LRRC28: variants seen among roughly 807,000 people sequenced by gnomAD.
The protein encoded by LRRC28 is leucine-rich repeat-containing protein 28.
A neutral mutation model predicts 45.7 loss-of-function variants in LRRC28; 39 were observed. The observed-to-expected ratio is 0.85, with a 90% CI of 0.66 to 1.12. The LOEUF (loss-of-function observed/expected upper bound fraction) is 1.12. LRRC28 is among the 50% of genes most tolerant of loss of function. The probability of loss-of-function intolerance (pLI) is 0.00; values close to 1 mark genes in which losing one functional copy is unlikely to be tolerated. For missense variants in LRRC28, 435 were observed against 438.5 expected (o/e 0.99, Z 0.07); for synonymous variants, 206 against 178.8 (o/e 1.15, Z -1.22).
rs933752698 is a variant in LRRC28, at chr15:99,387,266, T to C, written c.*1164T>C. ...TAGTAGAGACGGGGTTTCACCGTGT[T>C]AGCCGGGATGGTCTCGATCTCCTGA... On this transcript the variant is annotated 3_prime_UTR_variant, in exon 10 of 10. Coordinates refer to ENST00000301981, the MANE Select transcript of LRRC28 (RefSeq NM_144598.5). 12 of 151,700 alleles carry C rather than the reference T, an allele frequency of 7.9e-5. No individual in the cohort carries two copies. Among genetic ancestry groups the C allele is most frequent in the African/African-American group, 1.2e-4 (5 of 41,364 alleles). 9.4% of individuals were successfully genotyped at this position (151,700 alleles called of 1,614,324 possible). A position where few individuals can be genotyped will look rare whatever the true frequency, so the allele number is the denominator to read the frequency against.
intron 9 of LRRC28, among the ~76,000 whole-genome samples, chr15:99,368,302 C>T (rs909471792): frequency 6.6e-6 from 1 of 152,132 alleles, no homozygotes; most frequent in Non-Finnish European, 1.5e-5. Flanking sequence ...AATTTATCTG[C>T]TTCTAGCATG....
intron 5 of LRRC28, among the ~76,000 whole-genome samples, chr15:99,318,522 A>T (rs902838415): frequency 6.6e-6 from 1 of 152,014 alleles, no homozygotes; most frequent in Non-Finnish European, 1.5e-5. Context: ...TCTGTGCCAC[A>T]TTTCATTTCT....
At chr15:99,326,670 G>T (rs1007020524) in intron 5 of LRRC28, 1 of 152,076 alleles carries the variant, frequency 6.6e-6, no homozygotes, top group Non-Finnish European at 1.5e-5. Context: ...ATGCCTGCCA[G>T]TATTTTTTTT....
At chr15:99,326,634 T>C (rs1307632435) in intron 5 of LRRC28, 1 of 152,214 alleles carries the variant, frequency 6.6e-6, no homozygotes, top group Admixed American at 6.5e-5. Flanking sequence ...TATCATCTAG[T>C]AATTTCTCAC....
At chr15:99,299,544 A>C (rs1292664172) in intron 5 of LRRC28, among the ~76,000 whole-genome samples, 7 of 152,188 alleles carry the variant, frequency 4.6e-5, no homozygotes, top group Non-Finnish European at 2.9e-5. Flanking sequence ...CTGTTGCTTT[A>C]CTTCATCTGT....
At chr15:99,255,856 A>G (rs1472578865) in intron 1 of LRRC28, 42 bp from the exon 2 acceptor site, 5 of 1,342,210 alleles carry the variant, frequency 3.7e-6, no homozygotes, top group Middle Eastern at 2.7e-4. Context: ...CAATTCTTGT[A>G]AAAAATCTTA....
intron 5 of LRRC28, among the ~76,000 whole-genome samples, chr15:99,289,483 A>T (rs2082050688): frequency 6.6e-6 from 1 of 152,336 alleles, no homozygotes; most frequent in Admixed American, 6.5e-5. Context: ...GTTGCAAGAG[A>T]ATGTTAAAAA....
At chr15:99,258,327 C>G in intron 2 of LRRC28, 1 of 1,457,614 alleles carries the variant, frequency 6.9e-7, no homozygotes, top group Non-Finnish European at 9.6e-7. Context: ...ATTGCTGACC[C>G]AAGAGGAAAC....
At chr15:99,338,494 TA>T (rs892589611) in intron 6 of LRRC28, 8 of 152,170 alleles carry the variant, frequency 5.3e-5, no homozygotes, top group African/African-American at 1.9e-4. Flanking sequence ...CGTGTACCCC[TA>T]AGGTTTTCAA....
chr15:99,326,673 T>TC (rs1360237694), intron 5 of LRRC28: 10 of 152,042 alleles, frequency 6.6e-5, no homozygotes, highest in Non-Finnish European at 1.2e-4. Flanking sequence ...CCTGCCAGTA[T>TC]TTTTTTTACT....
intron 5 of LRRC28, among the ~76,000 whole-genome samples, chr15:99,292,036 A>G (rs1386895834): frequency 2.6e-5 from 4 of 152,184 alleles, no homozygotes; most frequent in African/African-American, 7.2e-5. Context: ...TCAGTTGCTG[A>G]GGAATTCTCT....
At chr15:99,262,202 A>G (rs917611249) in intron 2 of LRRC28, among the ~76,000 whole-genome samples, 1 of 152,088 alleles carries the variant, frequency 6.6e-6, no homozygotes, top group Non-Finnish European at 1.5e-5. Context: ...ATATATGTAC[A>G]TTCTTGTATG....
chr15:99,285,771 G>A (rs2081942346), intron 3 of LRRC28: 2 of 510,880 alleles, frequency 3.9e-6, no homozygotes, highest in Admixed American at 2.5e-5. Flanking sequence ...TTTATAGGTG[G>A]AACTTGAATT....
At chr15:99,269,146 C>T (rs1177364529) in intron 2 of LRRC28, among the ~76,000 whole-genome samples, 2 of 152,098 alleles carry the variant, frequency 1.3e-5, no homozygotes, top group East Asian at 3.9e-4. Context: ...GTTTGTTTTA[C>T]ATTTTTTGCC....
chr15:99,320,847 C>G (rs1295567928), intron 5 of LRRC28: 1 of 152,152 alleles, frequency 6.6e-6, no homozygotes, highest in Non-Finnish European at 1.5e-5. Flanking sequence ...TTTATAAAGT[C>G]AGATCATTGT....
At chr15:99,257,060 A>G (rs1197513074) in intron 2 of LRRC28, among the ~76,000 whole-genome samples, 1 of 152,258 alleles carries the variant, frequency 6.6e-6, no homozygotes, top group East Asian at 1.9e-4. Context: ...GGCTTCAAGT[A>G]TATGGCATGT....
intron 5 of LRRC28, among the ~76,000 whole-genome samples, chr15:99,325,869 G>A (rs1351358843): frequency 1.3e-5 from 2 of 152,160 alleles, no homozygotes; most frequent in Non-Finnish European, 2.9e-5. Context: ...AGAGTTTGGG[G>A]CAGGGAAGGA....
chr15:99,363,384 C>T (rs558889335), intron 9 of LRRC28, 119 bp downstream of exon 9: 2 of 987,460 alleles, frequency 2.0e-6, no homozygotes, highest in East Asian at 2.6e-5. Flanking sequence ...TAACATGCTT[C>T]CTGAGAAACA....
rs1956837915 is a variant in LRRC28 at position 99,350,279 on chromosome 15, A to T, written c.593-2090A>T. Among the ~76,000 whole-genome samples, 3 of 152,152 alleles carry T rather than the reference A, an allele frequency of 2.0e-5. No homozygotes were observed. In the South Asian group the frequency reaches 6.2e-4, roughly 31 times the overall value. ...GCAGATGCTCTCATACGTAGCTGGT[A>T]GGGGTGTAAATTGTTGTAACCCTTT... On this transcript the variant is annotated intron_variant, in intron 6 of 9. Coordinates refer to ENST00000301981, the MANE Select transcript of LRRC28 (RefSeq NM_144598.5).
Sources: allele counts gnomAD v4.1 joint callset (sites outside exome capture counted in the v4.1 genomes callset), GRCh38; gene constraint gnomAD v4.1.1; transcripts MANE v1.5; gene names NCBI Gene and HGNC (gene_info 2026-07-23, HGNC 2026-07-21).